TMEM132C: variants seen among roughly 807,000 people sequenced by gnomAD.
TMEM132C encodes protein phosphatase 1, regulatory subunit 152.
Under a neutral mutation model 61.4 loss-of-function variants are expected in TMEM132C, and 29 were observed. That is an observed-to-expected ratio of 0.47 (90% confidence interval 0.35 to 0.64). The LOEUF (loss-of-function observed/expected upper bound fraction) is 0.64, where lower values mean the gene tolerates loss of function less well. Ranked by LOEUF, TMEM132C falls within the 30% of genes least tolerant of loss-of-function variation. TMEM132C has a pLI of 0.00. For synonymous variants in TMEM132C, 656 were observed against 633.1 expected, an observed-to-expected ratio of 1.04 and a Z score of -0.54; for missense variants, 1,408 against 1,476.9, an observed-to-expected ratio of 0.95 and a Z score of 0.76.
In TMEM132C at chr12:128,297,169, G is replaced by A. The variant is rs1001330394; in HGVS notation, c.85+29682G>A. 2.6e-5 allele frequency among the ~76,000 whole-genome samples: 4 copies of A among 152,154 alleles called. No individual in the cohort carries two copies. The East Asian group carries it at 5.8e-4, about 22-fold the overall frequency. On this transcript the variant is annotated intron_variant, in intron 1 of 8. Coordinates refer to ENST00000435159, the MANE Select transcript of TMEM132C (RefSeq NM_001136103.3). ...GCTGGACTGGCCATCTTTTCAGTTG[G>A]TGCTGGCTTGAAATGAAGAGCAACA... is the stretch of plus-strand genomic sequence containing the variant.
intron 1 of TMEM132C, among the ~76,000 whole-genome samples, chr12:128,272,298 T>G (rs1478681114): frequency 1.3e-5 from 2 of 152,234 alleles, no homozygotes; most frequent in Admixed American, 6.5e-5. Context: ...AGCTTTTGGA[T>G]CTGCTTTCTT....
In TMEM132C at chr12:128,693,907, T is replaced by C; in HGVS notation, c.1528T>C (p.Tyr510His). Residue 510 changes from tyrosine (Y) to histidine (H), a missense_variant, in exon 6 of 9, where the codon TAC (tyrosine) becomes CAC (histidine). Tyr to His is a moderately conservative substitution (Grantham distance 83). Coordinates refer to ENST00000435159, the MANE Select transcript of TMEM132C (RefSeq NM_001136103.3). ...GKMDAVVNFTYQYLSAPLCVT... is the reference protein window; with the variant it reads ...GKMDAVVNFTHQYLSAPLCVT... ...GATGGATGCGGTGGTGAACTTCACA[T>C]ACCAGTACCTGAGCGCCCCCCTGTG... 1 of 1,551,770 alleles carries C rather than the reference T, an allele frequency of 6.4e-7. No individual in the cohort carries two copies. The highest frequency in any genetic ancestry group is 8.7e-7 in the Non-Finnish European group (1 of 1,147,026).
In TMEM132C at chr12:128,630,148, GC is replaced by G. The variant is rs1427252121; in HGVS notation, c.1305+13819del. 6.6e-6 allele frequency among the ~76,000 whole-genome samples: 1 copy of G among 152,038 alleles called. No individual in the cohort carries two copies. Among genetic ancestry groups the G allele is most frequent in the Non-Finnish European group, 1.5e-5 (1 of 67,992 alleles). ...CTTGGGGACTTGGGAAAGCCTGGGTGCCCCCCTCCAAGGTGTCTCAGGCGGC... is the reference window on the plus strand; with the variant it reads ...CTTGGGGACTTGGGAAAGCCTGGGTGCCCCCTCCAAGGTGTCTCAGGCGGC... On this transcript the variant is annotated intron_variant, in intron 4 of 8. Coordinates refer to ENST00000435159, the MANE Select transcript of TMEM132C (RefSeq NM_001136103.3). This position sits in a 1 kb window ranked among gnomAD's most constrained non-coding sequence, Gnocchi z 4.3.
At chr12:128,318,893 A>G (rs1258606003) in intron 1 of TMEM132C, among the ~76,000 whole-genome samples, 2 of 152,248 alleles carry the variant, frequency 1.3e-5, no homozygotes, top group South Asian at 2.1e-4. Context: ...AGCAGGAGTC[A>G]GAAGTTGTGG....
intron 1 of TMEM132C, among the ~76,000 whole-genome samples, chr12:128,369,960 G>T (rs910943489): frequency 3.9e-5 from 6 of 152,214 alleles, no homozygotes; most frequent in African/African-American, 1.4e-4. Context: ...ATTAGTATGG[G>T]TTTAAAAGCA....
intron 2 of TMEM132C, among the ~76,000 whole-genome samples, chr12:128,433,329 T>C (rs1246434068): frequency 2.0e-5 from 3 of 152,216 alleles, no homozygotes; most frequent in African/African-American, 7.2e-5. Flanking sequence ...AAGACGACTG[T>C]GTAACTAAAC....
intron 2 of TMEM132C, among the ~76,000 whole-genome samples, chr12:128,526,621 A>G (rs1342613945): frequency 1.3e-5 from 2 of 152,196 alleles, no homozygotes; most frequent in Non-Finnish European, 2.9e-5. Flanking sequence ...TATTAACTGT[A>G]TATGTCAGAG....
At chr12:128,622,575 G>C (rs1018663991) in intron 4 of TMEM132C, among the ~76,000 whole-genome samples, 13 of 151,182 alleles carry the variant, frequency 8.6e-5, no homozygotes, top group African/African-American at 2.4e-4. Context: ...TAAATTCAGA[G>C]ACCCGGACGT....
intron 2 of TMEM132C, among the ~76,000 whole-genome samples, chr12:128,431,247 C>T (rs1461084188): frequency 6.6e-6 from 1 of 152,160 alleles, no homozygotes; most frequent in Non-Finnish European, 1.5e-5. Flanking sequence ...TAAGCCAAAG[C>T]CTAATCCAGA....
chr12:128,704,763 T>G (rs1954824725), intron 8 of TMEM132C, among the ~76,000 whole-genome samples: 1 of 152,190 alleles, frequency 6.6e-6, no homozygotes, highest in Non-Finnish European at 1.5e-5. Flanking sequence ...TCTGTGAACA[T>G]GCACCGGCTG....
chr12:128,602,643 T>G (rs1876237839), intron 3 of TMEM132C, among the ~76,000 whole-genome samples: 1 of 152,222 alleles, frequency 6.6e-6, no homozygotes, highest in South Asian at 2.1e-4. Flanking sequence ...TCCTCACTGC[T>G]CCACCCATTC....
Position 128,415,080 on chromosome 12 carries a change from C to G in TMEM132C, c.434C>G (p.Pro145Arg). ...ILRDKVYLSR[P>R]KVQVLFHIMG... ...CGGGACAAAGTCTACCTGAGCCGGC[C>G]CAAAGTGCAGGTTCTTTTCCACATC... The change falls in exon 2 of 9, where the codon CCC (proline) becomes CGC (arginine). Residue 145 changes from proline (P) to arginine (R), a missense_variant. Pro to Arg is a moderately radical substitution (Grantham distance 103). Transcript: ENST00000435159. This position sits in a 1 kb window ranked among gnomAD's most constrained non-coding sequence, Gnocchi z 5.8. 1 of 1,604,282 alleles carries G rather than the reference C, an allele frequency of 6.2e-7. No individual in the cohort carries two copies. Among genetic ancestry groups the G allele is most frequent in the Non-Finnish European group, 8.5e-7 (1 of 1,175,246 alleles).
intron 1 of TMEM132C, among the ~76,000 whole-genome samples, chr12:128,376,863 G>A (rs530485317): frequency 6.6e-6 from 1 of 152,324 alleles, no homozygotes; most frequent in South Asian, 2.1e-4. Context: ...TTTTCATAGA[G>A]TGGGTTTACT....
At chr12:128,559,266 G>C (rs1337028621) in intron 3 of TMEM132C, among the ~76,000 whole-genome samples, 1 of 151,894 alleles carries the variant, frequency 6.6e-6, no homozygotes, top group African/African-American at 2.4e-5. Flanking sequence ...TTCCATGTTA[G>C]TACATAAAGT....
At chr12:128,467,303 ATCT>A (rs1285408981) in intron 2 of TMEM132C, among the ~76,000 whole-genome samples, 6 of 152,138 alleles carry the variant, frequency 3.9e-5, no homozygotes, top group Non-Finnish European at 8.8e-5. Context: ...GCTGCCAGAG[ATCT>A]TCTTCTCCAT....
intron 1 of TMEM132C, among the ~76,000 whole-genome samples, chr12:128,297,309 G>A (rs1871444195): frequency 2.0e-5 from 3 of 152,206 alleles, no homozygotes. Flanking sequence ...ATGGCCTCCT[G>A]CCGATAGGAG....
At chr12:128,411,018 T>C (rs1379949807) in intron 1 of TMEM132C, among the ~76,000 whole-genome samples, 5 of 152,272 alleles carry the variant, frequency 3.3e-5, no homozygotes, top group Admixed American at 3.3e-4. Flanking sequence ...CTTAGACATT[T>C]CCTCATGATT....
chr12:128,640,315 G>A (rs1029959640), intron 4 of TMEM132C, among the ~76,000 whole-genome samples: 9 of 152,202 alleles, frequency 5.9e-5, no homozygotes, highest in Non-Finnish European at 1.2e-4. Flanking sequence ...ATGAAGCACT[G>A]ATGCTTGCTG....
chr12:128,672,430 A>G (rs1240277755), intron 5 of TMEM132C, among the ~76,000 whole-genome samples: 2 of 152,204 alleles, frequency 1.3e-5, no homozygotes, highest in Non-Finnish European at 2.9e-5. Context: ...AAAATTTATC[A>G]CAGCTGTATA....
Sources: gnomAD v4.1 joint callset for allele counts (sites outside exome capture counted in the v4.1 genomes callset) on GRCh38, gnomAD v4.1.1 for gene constraint, Gnocchi (gnomAD v3.1) non-coding constraint, MANE v1.5 for transcripts, NCBI Gene and HGNC (gene_info 2026-07-23, HGNC 2026-07-21) for gene names.